The following CD38 variants were observed in gnomAD, a reference collection of about 807,000 sequenced individuals.
CD38 encodes the protein ADP-ribosyl cyclase/cyclic ADP-ribose hydrolase 1.
CD38 carries 31 observed loss-of-function variants against 36.3 expected under a neutral mutation model. The ratio of observed to expected loss-of-function variants is 0.85; its 90% CI spans 0.64 to 1.15. The LOEUF is 1.15. Ranked by LOEUF, CD38 falls within the 50% of genes most tolerant of loss-of-function variation. The pLI is 0.00. For missense variants in CD38, 380 were observed against 371.9 expected (o/e 1.02, Z -0.18); for synonymous variants, 131 against 135.2 (o/e 0.97, Z 0.22).
At chr4:15,789,274 AC>A (rs1385477159) in intron 1 of CD38, among the ~76,000 whole-genome samples, 1 of 152,230 alleles carries the variant, frequency 6.6e-6, no homozygotes, top group Non-Finnish European at 1.5e-5. Flanking sequence ...CTCACATGGA[AC>A]TTATATTCTA....
At chr4:15,801,273 A>G (rs574470105) in intron 1 of CD38, among the ~76,000 whole-genome samples, 31 of 152,190 alleles carry the variant, frequency 2.0e-4, no homozygotes, top group African/African-American at 7.0e-4. Context: ...AGGAACCTCA[A>G]TAATAATTTT....
intron 1 of CD38, among the ~76,000 whole-genome samples, chr4:15,789,070 C>A (rs573176420): frequency 3.9e-5 from 6 of 152,128 alleles, no homozygotes; most frequent in African/African-American, 1.4e-4. Flanking sequence ...TTAAGTAATT[C>A]TTGGTAAACC....
intron 5 of CD38, 108 bp from the exon 6 acceptor site, chr4:15,839,918 T>C: frequency 1.3e-6 from 1 of 755,028 alleles, no homozygotes; most frequent in Admixed American, 2.0e-5. Flanking sequence ...GTGTCAACTC[T>C]AAAGGATAGG....
At chr4:15,841,743 C>T (rs1044324467) in intron 7 of CD38, among the ~76,000 whole-genome samples, 20 of 147,836 alleles carry the variant, frequency 1.4e-4, no homozygotes, top group African/African-American at 4.9e-4. Flanking sequence ...CATTGCCTCA[C>T]CTGGGAAGCG....
intron 7 of CD38, 44 bp from the exon 8 acceptor site, chr4:15,848,495 T>A (rs1166154887): frequency 1.4e-6 from 2 of 1,467,542 alleles, no homozygotes; most frequent in Non-Finnish European, 1.9e-6. Flanking sequence ...ACGACAGATG[T>A]ATCCTACGGT....
chr4:15,830,013 T>C (rs1275872886), intron 3 of CD38, among the ~76,000 whole-genome samples: 1 of 152,238 alleles, frequency 6.6e-6, no homozygotes, highest in Admixed American at 6.5e-5. Context: ...TTAGGTTGTT[T>C]CCATATCTTG....
At chr4:15,819,019 AG>A (rs1316968538) in intron 2 of CD38, among the ~76,000 whole-genome samples, 1 of 151,712 alleles carries the variant, frequency 6.6e-6, no homozygotes, top group Non-Finnish European at 1.5e-5. Context: ...AAAAGAGATG[AG>A]TTCATGTCCT....
chr4:15,787,619 T>C (rs1197693434), intron 1 of CD38, among the ~76,000 whole-genome samples: 1 of 152,166 alleles, frequency 6.6e-6, no homozygotes, highest in East Asian at 1.9e-4. Flanking sequence ...CGAATCTTTG[T>C]AGGTAAAGCG....
rs1306366310 is a variant in CD38, at chr4:15,852,800, G to A, written c.*4198G>A. On this transcript the variant is annotated 3_prime_UTR_variant, in exon 8 of 8. Coordinates refer to ENST00000226279, the MANE Select transcript of CD38 (RefSeq NM_001775.4). ...AGGCTTTGAACTATTCCCTAACGGGGCATTTATTCTTTTTTTTTTTTTTTT... is the reference window on the plus strand; with the variant it reads ...AGGCTTTGAACTATTCCCTAACGGGACATTTATTCTTTTTTTTTTTTTTTT... 1.4e-5 allele frequency: 2 copies of A among 143,686 alleles called. No homozygotes were observed. The highest frequency in any genetic ancestry group is 3.0e-5 in the Non-Finnish European group (2 of 66,658). 8.9% of individuals were successfully genotyped at this position (143,686 alleles called of 1,614,324 possible).
At chr4:15,787,663 C>T (rs908106172) in intron 1 of CD38, among the ~76,000 whole-genome samples, 1 of 152,176 alleles carries the variant, frequency 6.6e-6, no homozygotes, top group Admixed American at 6.5e-5. Context: ...GTTGCCAGGA[C>T]GTGTTCCTTG....
intron 2 of CD38, among the ~76,000 whole-genome samples, chr4:15,824,082 G>T (rs1170920959): frequency 6.6e-6 from 1 of 152,128 alleles, no homozygotes; most frequent in Non-Finnish European, 1.5e-5. Flanking sequence ...TCACTTATAA[G>T]TGGGAGCTGA....
intron 3 of CD38, among the ~76,000 whole-genome samples, chr4:15,829,893 C>CTT (rs542895167): frequency 3.0e-4 from 46 of 152,256 alleles, no homozygotes; most frequent in African/African-American, 1.0e-3. Context: ...ACCTCCAGTT[C>CTT]TATTCATGTT....
intron 2 of CD38, among the ~76,000 whole-genome samples, chr4:15,820,245 G>A (rs188728365): frequency 5.3e-5 from 8 of 152,168 alleles, no homozygotes; most frequent in South Asian, 2.1e-4. Flanking sequence ...GAAACACACC[G>A]AAGTACACAG....
Position 15,840,013 on chromosome 4 carries a change from T to C in CD38, c.660-13T>C. On this transcript the variant is annotated splice_polypyrimidine_tract_variant and intron_variant, in intron 5 of 7. Coordinates refer to ENST00000226279, the MANE Select transcript of CD38 (RefSeq NM_001775.4). Reference sequence around the variant, plus strand: ...GGGTTGATGTTTGGGGTTCTTTGTTTCTTCTATTTTAGCACTTTTGGGAGT... The same window carrying C: ...GGGTTGATGTTTGGGGTTCTTTGTTCCTTCTATTTTAGCACTTTTGGGAGT... 2.5e-6 allele frequency: 4 copies of C among 1,597,224 alleles called. No individual in the cohort carries two copies. The highest frequency in any genetic ancestry group is 3.4e-6 in the Non-Finnish European group (4 of 1,164,606).
intron 1 of CD38, among the ~76,000 whole-genome samples, chr4:15,814,169 G>T (rs951927031): frequency 6.6e-6 from 1 of 152,146 alleles, no homozygotes; most frequent in African/African-American, 2.4e-5. Flanking sequence ...TATCCATTGC[G>T]ATTTTGATTT....
At chr4:15,837,953 G>A in intron 4 of CD38, 139 bp from the exon 5 acceptor site, 1 of 663,118 alleles carries the variant, frequency 1.5e-6, no homozygotes, top group Non-Finnish European at 2.6e-6. Flanking sequence ...TAAAAATTGT[G>A]TAGACCTGAC....
chr4:15,793,226 C>T (rs186279942), intron 1 of CD38, among the ~76,000 whole-genome samples: 12 of 152,018 alleles, frequency 7.9e-5, no homozygotes, highest in Admixed American at 3.3e-4. Flanking sequence ...TCCAGTACTT[C>T]TGCTTGCTAC....
chr4:15,779,321 C>T (rs1006340685), intron 1 of CD38, among the ~76,000 whole-genome samples: 1 of 152,194 alleles, frequency 6.6e-6, no homozygotes, highest in East Asian at 1.9e-4. Flanking sequence ...CGCAGCAACT[C>T]GGTGAATCTG....
intron 1 of CD38, among the ~76,000 whole-genome samples, chr4:15,816,231 T>C (rs1181620143): frequency 6.6e-6 from 1 of 152,166 alleles, no homozygotes; most frequent in Non-Finnish European, 1.5e-5. Context: ...TTTTCTTTTT[T>C]TATTGTGTCT....
Sources: allele counts gnomAD v4.1 joint callset (sites outside exome capture counted in the v4.1 genomes callset), GRCh38; gene constraint gnomAD v4.1.1; transcripts MANE v1.5; gene names NCBI Gene and HGNC (gene_info 2026-07-23, HGNC 2026-07-21).